Variants in METTL15 observed in about 807,000 individuals in gnomAD.
METTL15 encodes methyltransferase 15, mitochondrial 12S rRNA N4-cytidine.
In METTL15, 34 loss-of-function variants were observed where a neutral mutation model predicts 38.3. The ratio of observed to expected loss-of-function variants is 0.89; its 90% CI spans 0.68 to 1.18. The LOEUF (loss-of-function observed/expected upper bound fraction) is 1.18. METTL15 is among the 50% of genes most tolerant of loss of function. METTL15 has a pLI of 0.00. For missense variants in METTL15, 438 were observed against 498.4 expected (o/e 0.88, Z 1.15); for synonymous variants, 162 against 170.9 (o/e 0.95, Z 0.41).
chr11:28,245,235 CT>C (rs974126928), intron 4 of METTL15, among the ~76,000 whole-genome samples: 1 of 152,170 alleles, frequency 6.6e-6, no homozygotes, highest in Non-Finnish European at 1.5e-5. Flanking sequence ...AATCTCCATG[CT>C]TGTGTCCTCA....
chr11:28,519,368 A>G (rs1590402297), intron 6 of METTL15: 1 of 152,454 alleles, frequency 6.6e-6, no homozygotes, highest in South Asian at 2.1e-4. Context: ...ATCCTGGCTA[A>G]CACGGTGAAA....
At chr11:28,503,556 G>A (rs532399039) in intron 6 of METTL15, among the ~76,000 whole-genome samples, 62 of 151,738 alleles carry the variant, frequency 4.1e-4, no homozygotes, top group African/African-American at 1.4e-3. Flanking sequence ...ACTTTGGGAG[G>A]CCAAGGCAGG....
intron 3 of METTL15, among the ~76,000 whole-genome samples, chr11:28,181,774 G>A (rs988850957): frequency 2.6e-5 from 4 of 152,142 alleles, no homozygotes; most frequent in Non-Finnish European, 4.4e-5. Context: ...TATATACCCA[G>A]TAATGGGATT....
chr11:28,304,697 C>G (rs34827038), intron 6 of METTL15, among the ~76,000 whole-genome samples: 29,165 of 151,914 alleles, frequency 0.19, 3,206 homozygotes, highest in Non-Finnish European at 0.25. Context: ...GCCTGGGTGA[C>G]AGAGTAAAAC....
At chr11:28,335,428 G>A (rs1177902468), downstream of METTL15, among the ~76,000 whole-genome samples, 1 of 152,010 alleles carries the variant, frequency 6.6e-6, no homozygotes, top group Non-Finnish European at 1.5e-5. Context: ...GGATATTATT[G>A]GTACTTTCTC....
chr11:28,240,423 C>T (rs1002483397), intron 4 of METTL15, among the ~76,000 whole-genome samples: 1 of 152,116 alleles, frequency 6.6e-6, no homozygotes, highest in Non-Finnish European at 1.5e-5. Flanking sequence ...CAATAGCTAA[C>T]AAAATTTCAT....
intron 3 of METTL15, among the ~76,000 whole-genome samples, chr11:28,121,576 A>G (rs899509208): frequency 6.6e-6 from 1 of 152,168 alleles, no homozygotes; most frequent in Non-Finnish European, 1.5e-5. Flanking sequence ...ACAACATGTT[A>G]TTAATATTAT....
intron 6 of METTL15, among the ~76,000 whole-genome samples, chr11:28,473,220 A>G (rs1328674035): frequency 6.6e-6 from 1 of 152,154 alleles, no homozygotes; most frequent in African/African-American, 2.4e-5. Flanking sequence ...TAATATTTTA[A>G]TAGGCTTTTC....
intron 6 of METTL15, among the ~76,000 whole-genome samples, chr11:28,315,725 G>GC (rs1388165092): frequency 2.0e-5 from 3 of 152,176 alleles, no homozygotes; most frequent in East Asian, 1.9e-4. Flanking sequence ...CAGGCCCAAG[G>GC]CCCCCCTGTT....
At chr11:28,238,772 C>A (rs1249735682) in intron 4 of METTL15, among the ~76,000 whole-genome samples, 1 of 152,078 alleles carries the variant, frequency 6.6e-6, no homozygotes, top group Non-Finnish European at 1.5e-5. Context: ...TTCTTAGACT[C>A]CCCCAGATAA....
intron 3 of METTL15, among the ~76,000 whole-genome samples, chr11:28,204,534 ATGC>A (rs1486882228): frequency 1.4e-5 from 2 of 142,488 alleles, no homozygotes; most frequent in African/African-American, 5.3e-5. Context: ...GAAAACATCG[ATGC>A]TTGGTAAACC....
intron 4 of METTL15, among the ~76,000 whole-genome samples, chr11:28,248,062 T>C (rs1854585065): frequency 6.6e-6 from 1 of 152,110 alleles, no homozygotes. Flanking sequence ...CTATTTGGTT[T>C]ATTCTATAAA....
At chr11:28,319,258 A>G (rs1369883851) in intron 6 of METTL15, among the ~76,000 whole-genome samples, 11 of 152,200 alleles carry the variant, frequency 7.2e-5, no homozygotes, top group Non-Finnish European at 1.6e-4. Context: ...GTGGAATTAG[A>G]GCTTCTGGAA....
chr11:28,139,930 C>T (rs1456702120), intron 3 of METTL15, among the ~76,000 whole-genome samples: 1 of 146,672 alleles, frequency 6.8e-6, no homozygotes, highest in Non-Finnish European at 1.5e-5. Context: ...ATCATTGTTC[C>T]CTCCTTTTGC....
At chr11:28,437,387 A>T (rs1237271919) in intron 6 of METTL15, among the ~76,000 whole-genome samples, 2 of 152,248 alleles carry the variant, frequency 1.3e-5, no homozygotes, top group Non-Finnish European at 2.9e-5. Context: ...GATATTTTGC[A>T]TAAATAATTG....
At chr11:28,373,548 T>A (rs1438905949) in intron 5 of METTL15, among the ~76,000 whole-genome samples, 1 of 152,206 alleles carries the variant, frequency 6.6e-6, no homozygotes, top group African/African-American at 2.4e-5. Flanking sequence ...TTGCAAAAAT[T>A]TTCTCCCATT....
chr11:28,241,182 A>G (rs1854276889), intron 4 of METTL15, among the ~76,000 whole-genome samples: 1 of 152,214 alleles, frequency 6.6e-6, no homozygotes, highest in South Asian at 2.1e-4. Flanking sequence ...GGCAGATCCT[A>G]TAATAAGCAG....
intron 5 of METTL15, among the ~76,000 whole-genome samples, chr11:28,369,860 A>G (rs1454945372): frequency 6.6e-6 from 1 of 152,160 alleles, no homozygotes; most frequent in Admixed American, 6.6e-5. Flanking sequence ...ATCTCTGGTA[A>G]AGGTAAATAT....
intron 5 of METTL15, among the ~76,000 whole-genome samples, chr11:28,372,966 T>C (rs1380224257): frequency 2.0e-5 from 3 of 151,602 alleles, no homozygotes; most frequent in African/African-American, 4.8e-5. Flanking sequence ...TTTTTATGGC[T>C]GCATAGTATT....
Sources: allele counts gnomAD v4.1 joint callset (sites outside exome capture counted in the v4.1 genomes callset), GRCh38; gene constraint gnomAD v4.1.1; transcripts MANE v1.5; gene names NCBI Gene and HGNC (gene_info 2026-07-23, HGNC 2026-07-21).